UGT8: variants seen among roughly 807,000 people sequenced by gnomAD.
UGT8 encodes UDP glycosyltransferase 8, also known as 2-hydroxyacylsphingosine 1-beta-galactosyltransferase.
UGT8 carries 12 observed loss-of-function variants against 40.5 expected under a neutral mutation model. The ratio of observed to expected loss-of-function variants is 0.30; its 90% CI spans 0.19 to 0.48. The LOEUF (loss-of-function observed/expected upper bound fraction) is 0.48, where lower values mean the gene tolerates loss of function less well. UGT8 is among the 20% of genes least tolerant of loss of function. The pLI is 0.99. For missense variants in UGT8, 513 were observed against 648.7 expected (o/e 0.79, Z 2.27); for synonymous variants, 224 against 240.4 (o/e 0.93, Z 0.63).
chr4:114,671,478 A>G (rs1735273837), intron 5 of UGT8, among the ~76,000 whole-genome samples: 1 of 152,180 alleles, frequency 6.6e-6, no homozygotes. Flanking sequence ...CAAAACAGAC[A>G]TATAGACCAA....
chr4:114,637,876 ACTT>A (rs1732982459), intron 2 of UGT8, among the ~76,000 whole-genome samples: 4 of 152,332 alleles, frequency 2.6e-5, no homozygotes, highest in Admixed American at 2.6e-4. Context: ...ATCCAGAACT[ACTT>A]CATCATGATA....
chr4:114,668,341 C>T (rs2126135824), intron 5 of UGT8, 37 bp downstream of exon 5: 5 of 1,553,970 alleles, frequency 3.2e-6, no homozygotes, highest in Non-Finnish European at 4.4e-6. Context: ...GATGAACTTA[C>T]ATACCACAGT....
At chr4:114,645,211 CAAG>C (rs1001056793) in intron 2 of UGT8, among the ~76,000 whole-genome samples, 11 of 152,170 alleles carry the variant, frequency 7.2e-5, no homozygotes, top group African/African-American at 2.4e-4. Context: ...GGATAAGCAT[CAAG>C]AGTTTCACTA....
chr4:114,598,633 C>A (rs1213260790), upstream of UGT8: 1 of 152,196 alleles, frequency 6.6e-6, no homozygotes, highest in African/African-American at 2.4e-5. Flanking sequence ...TGTCGTGCCC[C>A]GCTGAGCCAA....
chr4:114,658,706 T>TAA (rs34900611), intron 2 of UGT8, among the ~76,000 whole-genome samples: 15 of 151,446 alleles, frequency 9.9e-5, no homozygotes, highest in African/African-American at 7.3e-5. Context: ...CCACAATGAA[T>TAA]AAAAAAAAAT....
chr4:114,669,479 G>A (rs1354162220), intron 5 of UGT8, among the ~76,000 whole-genome samples: 3 of 151,750 alleles, frequency 2.0e-5, no homozygotes, highest in African/African-American at 7.3e-5. Context: ...CAATCTTTCA[G>A]GAAAGTTTGT....
At chr4:114,622,796 TG>T in intron 1 of UGT8, 82 bp from the exon 2 acceptor site, 1 of 1,263,500 alleles carries the variant, frequency 7.9e-7, no homozygotes, top group Admixed American at 2.7e-5. Context: ...CAGATATTTT[TG>T]GGGAAAAATG....
chr4:114,675,879 C>G, intron 5 of UGT8, 46 bp from the exon 6 acceptor site: 2 of 1,524,844 alleles, frequency 1.3e-6, no homozygotes, highest in Admixed American at 2.1e-5. Context: ...AAATATAGAA[C>G]TTTATTATAA....
chr4:114,669,590 A>G (rs1287362576), intron 5 of UGT8, among the ~76,000 whole-genome samples: 1 of 152,168 alleles, frequency 6.6e-6, no homozygotes, highest in Non-Finnish European at 1.5e-5. Flanking sequence ...ATTCACAGGA[A>G]GTTAGTCCAG....
At chr4:114,601,590 A>T (rs1159584169) in intron 1 of UGT8, among the ~76,000 whole-genome samples, 1 of 114,458 alleles carries the variant, frequency 8.7e-6, no homozygotes, top group Admixed American at 8.3e-5. Context: ...ACTGAAACTT[A>T]AAAAAAAAGA....
chr4:114,672,652 A>G (rs956271590), intron 5 of UGT8, among the ~76,000 whole-genome samples: 2 of 151,658 alleles, frequency 1.3e-5, no homozygotes, highest in African/African-American at 2.4e-5. Flanking sequence ...AAGAACACAC[A>G]CCAGGGCCTG....
At position 114,672,781 on chromosome 4, in the gene UGT8, T is replaced by C. The variant is rs112248985; in HGVS notation, c.1263-3144T>C. Among the ~76,000 whole-genome samples the C allele has an allele frequency of 4.3e-3, 656 of 152,318 alleles. 7 individuals carry two copies. Among genetic ancestry groups the C allele is most frequent in the African/African-American group, 0.015 (634 of 41,564 alleles). On this transcript the variant is annotated intron_variant, in intron 5 of 5. Coordinates refer to ENST00000310836, the MANE Select transcript of UGT8 (RefSeq NM_001128174.3). ...CACATTCTGCACATGTATTCCATTT[T>C]CTTTTAGAAGAAATAACAAGAACAA...
At chr4:114,618,666 T>C (rs1413999625) in intron 1 of UGT8, among the ~76,000 whole-genome samples, 1 of 152,222 alleles carries the variant, frequency 6.6e-6, no homozygotes. Context: ...ATCTAATATT[T>C]GTAAAAGCAA....
chr4:114,632,285 G>C (rs1732627622), intron 2 of UGT8, among the ~76,000 whole-genome samples: 1 of 152,204 alleles, frequency 6.6e-6, no homozygotes, highest in African/African-American at 2.4e-5. Flanking sequence ...GAGAAAAAGA[G>C]ACAGACAAGC....
chr4:114,662,256 C>T (rs2126130916), intron 2 of UGT8, among the ~76,000 whole-genome samples: 1 of 152,172 alleles, frequency 6.6e-6, no homozygotes, highest in East Asian at 1.9e-4. Flanking sequence ...TTCCATTAGC[C>T]TACACTTGGA....
chr4:114,608,630 A>G (rs1700020089), intron 1 of UGT8, among the ~76,000 whole-genome samples: 1 of 152,298 alleles, frequency 6.6e-6, no homozygotes, highest in Non-Finnish European at 1.5e-5. Flanking sequence ...GAAAGATTAT[A>G]TAATAGTTAC....
intron 1 of UGT8, among the ~76,000 whole-genome samples, chr4:114,606,881 AT>A (rs1475775830): frequency 6.6e-6 from 1 of 152,162 alleles, no homozygotes; most frequent in African/African-American, 2.4e-5. Context: ...CTGAGAATGA[AT>A]TTAATTAAAA....
chr4:114,609,179 G>A lies in UGT8; in HGVS notation c.-3+10205G>A, dbSNP rs146825483. 1.6e-3 allele frequency among the ~76,000 whole-genome samples: 247 copies of A among 152,228 alleles called. 1 individual carries two copies. Among genetic ancestry groups the A allele is most frequent in the African/African-American group, 5.7e-3 (236 of 41,552 alleles). ...GTCAGGAGTTGAGGCTCAGGCTGTA[G>A]TGTGCTGTGGAGATCGTGCCTATGA... is the stretch of plus-strand genomic sequence containing the variant. On this transcript the variant is annotated intron_variant, in intron 1 of 5. Transcript: ENST00000310836.
At chr4:114,659,231 C>A (rs903636612) in intron 2 of UGT8, among the ~76,000 whole-genome samples, 2 of 152,168 alleles carry the variant, frequency 1.3e-5, no homozygotes, top group Non-Finnish European at 2.9e-5. Context: ...TATTATGCTA[C>A]CTTTTCCCAT....
Sources: allele counts gnomAD v4.1 joint callset (sites outside exome capture counted in the v4.1 genomes callset), GRCh38; gene constraint gnomAD v4.1.1; transcripts MANE v1.5; gene names NCBI Gene and HGNC (gene_info 2026-07-23, HGNC 2026-07-21).